NEUROD4: variants seen among roughly 807,000 people sequenced by gnomAD.
The protein encoded by NEUROD4 is neuronal differentiation 4.
A neutral mutation model predicts 19.8 loss-of-function variants in NEUROD4; 16 were observed. The observed-to-expected ratio is 0.81, with a 90% CI of 0.55 to 1.23. The LOEUF (loss-of-function observed/expected upper bound fraction) is 1.23. Ranked by LOEUF, NEUROD4 falls within the 50% of genes most tolerant of loss-of-function variation. NEUROD4 has a pLI of 0.00. For missense variants in NEUROD4, 439 were observed against 398.6 expected (o/e 1.10, Z -0.86); for synonymous variants, 153 against 147.9 (o/e 1.03, Z -0.25).
chr12:55,027,313 C>T lies in NEUROD4; in HGVS notation c.874C>T (p.His292Tyr). The T allele has an allele frequency of 6.2e-7, 1 of 1,614,134 alleles. No homozygotes were observed. Among genetic ancestry groups the T allele is most frequent in the Middle Eastern group, 1.6e-4 (1 of 6,062 alleles). The stretch of plus-strand genomic sequence containing the variant: ...CCCTTCTTCAAGTCTAAGCTCAGGG[C>T]ATGTGCATTCAACTCCTTTTCAGGC... ...HYPSSSLSSG[H>Y]VHSTPFQAGT... Residue 292 changes from histidine (H) to tyrosine (Y), a missense_variant, in exon 2 of 2, where the codon CAT (histidine) becomes TAT (tyrosine). Coordinates refer to ENST00000242994, the MANE Select transcript of NEUROD4 (RefSeq NM_021191.3).
intron 1 of NEUROD4, 42 bp from the exon 2 acceptor site, chr12:55,026,389 A>G (rs1952728767): frequency 2.6e-6 from 4 of 1,515,538 alleles, no homozygotes; most frequent in South Asian, 1.3e-5. Flanking sequence ...AAATAAAATC[A>G]GGTACTCACA....
rs759547386 is a variant in NEUROD4, at chr12:55,026,604, GGAAGAA to G, written c.174_179del (p.Glu61_Glu62del). ...TAACTGAAGAGCATGACAGTATTGA[GGAAGAA>G]GAAGAAGAGGAAGAAGATGGGGAGA... On this transcript the variant is annotated inframe_deletion, in exon 2 of 2. Coordinates refer to ENST00000242994, the MANE Select transcript of NEUROD4 (RefSeq NM_021191.3). 2.5e-6 allele frequency: 4 copies of G among 1,613,662 alleles called. No individual in the cohort carries two copies. In the East Asian group the frequency reaches 6.7e-5, roughly 27 times the overall value.
At chr12:55,025,921 TAC>T (rs1952722872) in intron 1 of NEUROD4, among the ~76,000 whole-genome samples, 1 of 152,246 alleles carries the variant, frequency 6.6e-6, no homozygotes, top group Non-Finnish European at 1.5e-5. Flanking sequence ...ATGATCTTGC[TAC>T]AGTTTTTTAT....
In NEUROD4 at chr12:55,029,915, C is replaced by CT. The variant is rs1252567265; in HGVS notation, c.*2486dup. The CT allele has an allele frequency of 6.0e-6, 1 of 167,058 alleles. No homozygotes were observed. Among genetic ancestry groups the CT allele is most frequent in the African/African-American group, 2.4e-5 (1 of 41,532 alleles). 10.3% of individuals were successfully genotyped at this position (167,058 alleles called of 1,614,324 possible). The stretch of plus-strand genomic sequence containing the variant: ...TAGGGTGGTCTCATTCTTCTGGAGA[C>CT]TTTTTTAGATAAAGTAAAATAATTG... On this transcript the variant is annotated 3_prime_UTR_variant, in exon 2 of 2. Transcript: ENST00000242994.
chr12:55,025,967 T>C (rs1027955193), intron 1 of NEUROD4, among the ~76,000 whole-genome samples: 3 of 152,232 alleles, frequency 2.0e-5, no homozygotes, highest in African/African-American at 7.2e-5. Context: ...AGTGTGCTTA[T>C]TTGACTATTT....
In NEUROD4 at chr12:55,026,980, G is replaced by C. The variant is rs1259125473; in HGVS notation, c.541G>C (p.Val181Leu). ...AGCLQLGPQS[V>L]LLEKHEDKSP... is the part of the protein sequence containing the mutation. ...ATGTCTCCAACTGGGCCCTCAGTCT[G>C]TCCTCCTGGAGAAGCACGAGGATAA... The change falls in exon 2 of 2, where the codon GTC (valine) becomes CTC (leucine). Residue 181 changes from valine (V) to leucine (L), a missense_variant. Val to Leu is a conservative substitution (Grantham distance 32). Coordinates refer to ENST00000242994, the MANE Select transcript of NEUROD4 (RefSeq NM_021191.3). The C allele has an allele frequency of 6.2e-7, 1 of 1,614,138 alleles. No homozygotes were observed.
chr12:55,027,541 T>A lies in NEUROD4; in HGVS notation c.*106T>A, dbSNP rs1952750062. On this transcript the variant is annotated 3_prime_UTR_variant, in exon 2 of 2. Coordinates refer to ENST00000242994, the MANE Select transcript of NEUROD4 (RefSeq NM_021191.3). ...CTTAAAGGATCCCTATGGATATATA[T>A]CAAACAATAGTTCAAGTCCATTTAG... is the stretch of plus-strand genomic sequence containing the variant. 9.3e-7 allele frequency: 1 copy of A among 1,078,812 alleles called. No individual in the cohort carries two copies. The highest frequency in any genetic ancestry group is 2.4e-5 in the East Asian group (1 of 41,894). The allele number at this position is 1,078,812 out of a possible 1,614,324, so 66.8% of individuals were successfully genotyped here.
Position 55,027,364 on chromosome 12 carries a change from A to G in NEUROD4, c.925A>G (p.Ile309Val). The change falls in exon 2 of 2, where the codon ATA (isoleucine) becomes GTA (valine). Residue 309 changes from isoleucine (I) to valine (V), a missense_variant. Physicochemically the swap from Ile to Val is conservative, Grantham distance 29. Transcript: ENST00000242994. Reference sequence around the variant, plus strand: ...TGGTACCCCCCGTTATGATGTTCCTATAGACATGTCCTATGATTCCTACCC... The same window carrying G: ...TGGTACCCCCCGTTATGATGTTCCTGTAGACATGTCCTATGATTCCTACCC... ...QAGTPRYDVP[I>V]DMSYDSYPHH... is the part of the protein sequence containing the mutation. 15 of 1,613,970 alleles carry G rather than the reference A, an allele frequency of 9.3e-6. No individual in the cohort carries two copies. The highest frequency in any genetic ancestry group is 1.1e-5 in the Non-Finnish European group (13 of 1,179,884).
At position 55,027,394 on chromosome 12, in the gene NEUROD4, C is replaced by G. The variant is rs574707374; in HGVS notation, c.955C>G (p.His319Asp). 19 of 1,613,218 alleles carry G rather than the reference C, an allele frequency of 1.2e-5. No individual in the cohort carries two copies. In the East Asian group the frequency reaches 4.2e-4, roughly 36 times the overall value. Residue 319 changes from histidine to aspartate, a missense_variant, in exon 2 of 2, where the codon CAT becomes GAT. His to Asp is a moderately conservative substitution (Grantham distance 81, BLOSUM62 -1). Coordinates refer to ENST00000242994, the MANE Select transcript of NEUROD4 (RefSeq NM_021191.3). ...CATGTCCTATGATTCCTACCCCCAT[C>G]ATGGTATTGGGACCCAACTCAATAC... ...IDMSYDSYPH[H>D]GIGTQLNTVF... is the part of the protein sequence containing the mutation.
Position 55,027,466 on chromosome 12 carries a change from C to A in NEUROD4, c.*31C>A, listed in dbSNP as rs2656804. ...TTAAGTTCAATGTTTCAGAGAATGACGTGGAGACATTTTCCATAATTCAAG... is the reference window on the plus strand; with the variant it reads ...TTAAGTTCAATGTTTCAGAGAATGAAGTGGAGACATTTTCCATAATTCAAG... On this transcript the variant is annotated 3_prime_UTR_variant, in exon 2 of 2. Coordinates refer to ENST00000242994, the MANE Select transcript of NEUROD4 (RefSeq NM_021191.3). The A allele has an allele frequency of 1.9e-6, 3 of 1,553,432 alleles. No individual in the cohort carries two copies. In the South Asian group the frequency reaches 3.7e-5, roughly 19 times the overall value.
In NEUROD4 at chr12:55,026,686, G is replaced by A. The variant is rs1404388209; in HGVS notation, c.247G>A (p.Glu83Lys). ...KKKKMTKARL[E>K]RFRARRVKAN... is the part of the protein sequence containing the mutation. ...AAAGAAGATGACCAAAGCTCGCCTTGAGAGATTCAGGGCTCGAAGAGTCAA... is the reference window on the plus strand; with the variant it reads ...AAAGAAGATGACCAAAGCTCGCCTTAAGAGATTCAGGGCTCGAAGAGTCAA... The change falls in exon 2 of 2, where the codon GAG (glutamate) becomes AAG (lysine). Residue 83 changes from glutamate (E) to lysine (K), a missense_variant. Transcript: ENST00000242994. The A allele has an allele frequency of 1.2e-6, 2 of 1,614,172 alleles. No individual in the cohort carries two copies. Among genetic ancestry groups the A allele is most frequent in the South Asian group, 1.1e-5 (1 of 91,088 alleles).
rs192568488 is a variant in NEUROD4 at position 55,029,815 on chromosome 12, A to G, written c.*2380A>G. The G allele has an allele frequency of 6.0e-6, 1 of 167,148 alleles. No homozygotes were observed. The highest frequency in any genetic ancestry group is 6.5e-5 in the Admixed American group (1 of 15,298). The allele number at this position is 167,148 out of a possible 1,614,324, so 10.4% of individuals were successfully genotyped here. ...GTACCCATGAGCCAAGCCTCCCTGAAATTGTACAGAGGGATTTTATAATTG... is the reference window on the plus strand; with the variant it reads ...GTACCCATGAGCCAAGCCTCCCTGAGATTGTACAGAGGGATTTTATAATTG... On this transcript the variant is annotated 3_prime_UTR_variant, in exon 2 of 2. Transcript: ENST00000242994.
chr12:55,026,372 T>C lies in NEUROD4; in HGVS notation c.-9-59T>C, dbSNP rs76521070. The C allele has an allele frequency of 3.3e-3, 4,793 of 1,443,568 alleles. 76 individuals are homozygous for C. In the African/African-American group the frequency reaches 0.048, roughly 14 times the overall value. 89.4% of individuals were successfully genotyped at this position (1,443,568 alleles called of 1,614,324 possible). ...CAAGATAATTACATATAAAAAACTT[T>C]AGTTTCAAATAAAATCAGGTACTCA... On this transcript the variant is annotated intron_variant, in intron 1 of 1. Transcript: ENST00000242994.
chr12:55,029,728 C>T lies in NEUROD4; in HGVS notation c.*2293C>T, dbSNP rs1952771620. On this transcript the variant is annotated 3_prime_UTR_variant, in exon 2 of 2. Coordinates refer to ENST00000242994, the MANE Select transcript of NEUROD4 (RefSeq NM_021191.3). ...GTTAATGTTTTTAGAGTCTTTTCTTCAGTCTAAAATGAGCCAGAGTTATTC... is the reference window on the plus strand; with the variant it reads ...GTTAATGTTTTTAGAGTCTTTTCTTTAGTCTAAAATGAGCCAGAGTTATTC... The T allele has an allele frequency of 6.0e-6, 1 of 167,028 alleles. No individual in the cohort carries two copies. The highest frequency in any genetic ancestry group is 6.5e-5 in the Admixed American group (1 of 15,282). The allele number at this position is 167,028 out of a possible 1,614,324, so 10.3% of individuals were successfully genotyped here. A position where few individuals can be genotyped will look rare whatever the true frequency, so the allele number is the denominator to read the frequency against.
chr12:55,022,909 A>G (rs1952684269), intron 1 of NEUROD4, among the ~76,000 whole-genome samples: 1 of 152,160 alleles, frequency 6.6e-6, no homozygotes, highest in Non-Finnish European at 1.5e-5. Flanking sequence ...ACAGATTCTA[A>G]TTATACCTAT....
In NEUROD4 at chr12:55,027,277, A is replaced by C. The variant is rs777128536; in HGVS notation, c.838A>C (p.Met280Leu). 1 of 1,614,118 alleles carries C rather than the reference A, an allele frequency of 6.2e-7. No individual in the cohort carries two copies. Among genetic ancestry groups the C allele is most frequent in the Admixed American group, 1.7e-5 (1 of 60,014 alleles). The part of the protein sequence containing the change: ...SPDLEKSYSF[M>L]PHYPSSSLSS... ...TGACCTAGAAAAATCCTACAGCTTCATGCCACATTACCCTTCTTCAAGTCT... is the reference window on the plus strand; with the variant it reads ...TGACCTAGAAAAATCCTACAGCTTCCTGCCACATTACCCTTCTTCAAGTCT... The change falls in exon 2 of 2, where the codon ATG becomes CTG. Residue 280 changes from methionine (M) to leucine (L), a missense_variant. By Grantham distance (15) the Met-to-Leu change is conservative (BLOSUM62 2). Transcript: ENST00000242994.
rs1952771192 is a variant in NEUROD4, at chr12:55,029,669, A to G, written c.*2234A>G. 1 of 167,056 alleles carries G rather than the reference A, an allele frequency of 6.0e-6. No homozygotes were observed. The highest frequency in any genetic ancestry group is 1.5e-5 in the Non-Finnish European group (1 of 68,090). 10.3% of individuals were successfully genotyped at this position (167,056 alleles called of 1,614,324 possible). A position where few individuals can be genotyped will look rare whatever the true frequency, so the allele number is the denominator to read the frequency against. On this transcript the variant is annotated 3_prime_UTR_variant, in exon 2 of 2. Transcript: ENST00000242994. ...GAGAATTACCTCTGTGATAATTTTT[A>G]TAAAAAGCAGCAATAATTCGAATGG...
Position 55,027,227 on chromosome 12 carries a change from TCTC to T in NEUROD4, c.791_793del (p.Ser264del), listed in dbSNP as rs1952744591. On this transcript the variant is annotated inframe_deletion, in exon 2 of 2. Coordinates refer to ENST00000242994, the MANE Select transcript of NEUROD4 (RefSeq NM_021191.3). Reference sequence around the variant, plus strand: ...CCACCCCTGAGCATCAGTGGGAACTTCTCCTTGAAGCAAGATGGGTCTCCTGAC... The same window carrying T: ...CCACCCCTGAGCATCAGTGGGAACTTCTTGAAGCAAGATGGGTCTCCTGAC... 2 of 1,613,932 alleles carry T rather than the reference TCTC, an allele frequency of 1.2e-6. No individual in the cohort carries two copies. Among genetic ancestry groups the T allele is most frequent in the Non-Finnish European group, 8.5e-7 (1 of 1,180,004 alleles).
chr12:55,026,207 A>G (rs2136240258), intron 1 of NEUROD4, among the ~76,000 whole-genome samples: 1 of 152,260 alleles, frequency 6.6e-6, no homozygotes, highest in South Asian at 2.1e-4. Context: ...AAGAATAAAA[A>G]CAGGCACTAA....
Sources: gnomAD v4.1 joint callset for allele counts (sites outside exome capture counted in the v4.1 genomes callset) on GRCh38, gnomAD v4.1.1 for gene constraint, MANE v1.5 for transcripts, NCBI Gene and HGNC (gene_info 2026-07-23, HGNC 2026-07-21) for gene names.